Variants in JMJD1C observed in about 807,000 individuals in gnomAD.
The protein encoded by JMJD1C is jumonji domain-containing protein 1C.
A neutral mutation model predicts 245.3 loss-of-function variants in JMJD1C; 31 were observed. The observed-to-expected ratio is 0.13, with a 90% CI of 0.09 to 0.17. The LOEUF is 0.17. JMJD1C is among the 10% of genes least tolerant of loss of function. JMJD1C has a pLI of 1.00. For missense variants in JMJD1C, 2,691 were observed against 3,000.2 expected, an observed-to-expected ratio of 0.90 and a Z score of 2.41; for synonymous variants, 1,057 against 1,017.4, an observed-to-expected ratio of 1.04 and a Z score of -0.74.
intron 10 of JMJD1C, among the ~76,000 whole-genome samples, chr10:63,201,092 A>G (rs1375494716): frequency 6.6e-6 from 1 of 152,240 alleles, no homozygotes; most frequent in Non-Finnish European, 1.5e-5. Flanking sequence ...GCAAGAACGT[A>G]AAGATTAAAG....
At chr10:63,440,108 G>A (rs1951281923) in intron 1 of JMJD1C, among the ~76,000 whole-genome samples, 1 of 152,168 alleles carries the variant, frequency 6.6e-6, no homozygotes, top group South Asian at 2.1e-4. Flanking sequence ...GCCAAGGTGG[G>A]CGGATCACCT....
intron 1 of JMJD1C, among the ~76,000 whole-genome samples, chr10:63,440,638 G>A (rs757882873): frequency 2.6e-5 from 4 of 152,048 alleles, no homozygotes; most frequent in Non-Finnish European, 5.9e-5. Flanking sequence ...TAGAACCCCA[G>A]GAGACAACTG....
At chr10:63,204,269 C>G in intron 10 of JMJD1C, 3 of 985,366 alleles carry the variant, frequency 3.0e-6, no homozygotes, top group Non-Finnish European at 2.4e-6. Flanking sequence ...AACAGCCTCT[C>G]TAAAGCTACA....
chr10:63,368,507 C>T (rs574487320), intron 2 of JMJD1C, among the ~76,000 whole-genome samples: 1 of 152,200 alleles, frequency 6.6e-6, no homozygotes, highest in East Asian at 1.9e-4. Flanking sequence ...GTAACTATAC[C>T]TATCCATGAT....
intron 1 of JMJD1C, among the ~76,000 whole-genome samples, chr10:63,441,492 CAA>C (rs1554938434): frequency 1.3e-5 from 2 of 152,156 alleles, no homozygotes; most frequent in Non-Finnish European, 2.9e-5. Flanking sequence ...AAGATTAAGA[CAA>C]TACGTAGCAC....
At chr10:63,417,186 C>T (rs188746356) in intron 1 of JMJD1C, among the ~76,000 whole-genome samples, 1 of 152,164 alleles carries the variant, frequency 6.6e-6, no homozygotes. Context: ...AGGAAACTTG[C>T]CCAATTATTT....
chr10:63,316,951 C>T (rs1564777607), intron 2 of JMJD1C, among the ~76,000 whole-genome samples: 1 of 152,164 alleles, frequency 6.6e-6, no homozygotes, highest in Non-Finnish European at 1.5e-5. Context: ...CATCCACCCC[C>T]TGGGTTAGAG....
chr10:63,269,013 C>T (rs1437921366), intron 2 of JMJD1C: 1 of 985,372 alleles, frequency 1.0e-6, no homozygotes, highest in Non-Finnish European at 1.2e-6. Flanking sequence ...GTGGTGTTAA[C>T]GACTAAGAAA....
rs1846996194 is a variant in JMJD1C at position 63,209,003 on chromosome 10, G to A, written c.2867+60C>T. The A allele has an allele frequency of 7.9e-6, 11 of 1,400,152 alleles. No homozygotes were observed. In the South Asian group the frequency reaches 1.3e-4, roughly 17 times the overall value. 86.7% of individuals were successfully genotyped at this position (1,400,152 alleles called of 1,614,324 possible). A position where few individuals can be genotyped will look rare whatever the true frequency, so the allele number is the denominator to read the frequency against. On this transcript the variant is annotated intron_variant, in intron 9 of 25. Transcript: ENST00000399262. ...TTAACTTAAAATTAACTATTTAAAA[G>A]GCAAATTAAGAAAAATTATGAACAA...
intron 1 of JMJD1C, among the ~76,000 whole-genome samples, chr10:63,442,847 GTTT>G (rs145167863): frequency 5.3e-5 from 8 of 151,966 alleles, no homozygotes; most frequent in Non-Finnish European, 1.0e-4. Flanking sequence ...TAAGTATTGA[GTTT>G]TTTTTCCTCC....
At chr10:63,333,527 T>C (rs1403694095) in intron 2 of JMJD1C, among the ~76,000 whole-genome samples, 1 of 151,584 alleles carries the variant, frequency 6.6e-6, no homozygotes, top group Non-Finnish European at 1.5e-5. Flanking sequence ...AGTGAGACCC[T>C]ATCTCAAAAA....
At position 63,451,837 on chromosome 10, in the gene JMJD1C, AAAAAGG is replaced by A. The variant is rs1952090123; in HGVS notation, c.168+13652_168+13657del. On this transcript the variant is annotated intron_variant, in intron 1 of 25. Transcript: ENST00000399262. ...AAAAGGTGCCAAAACTATTCAATGG[AAAAAGG>A]ACAGTCTTTTCAATAAATGGAGCTG... is the stretch of plus-strand genomic sequence containing the variant. Among the ~76,000 whole-genome samples, 4 of 152,348 alleles carry A rather than the reference AAAAAGG, an allele frequency of 2.6e-5. No homozygotes were observed. The South Asian group carries it at 8.3e-4, about 32-fold the overall frequency.
chr10:63,174,231 TATATGA>T (rs746240417), intron 24 of JMJD1C, among the ~76,000 whole-genome samples: 1 of 152,200 alleles, frequency 6.6e-6, no homozygotes, highest in Non-Finnish European at 1.5e-5. Flanking sequence ...TAAAACCATG[TATATGA>T]ATGTTTATGA....
Position 63,213,926 on chromosome 10 carries a change from G to C in JMJD1C, c.2241C>G (p.Thr747=), listed in dbSNP as rs1382683533. 1 of 1,614,140 alleles carries C rather than the reference G, an allele frequency of 6.2e-7. No homozygotes were observed. Among genetic ancestry groups the C allele is most frequent in the South Asian group, 1.1e-5 (1 of 91,076 alleles). Residue 747 remains threonine, a synonymous_variant, in exon 8 of 26, where the codon ACC becomes ACG. Coordinates refer to ENST00000399262, the MANE Select transcript of JMJD1C (RefSeq NM_032776.3). ...PFPLHSSSHR[T]CLNPGTHHPA... ...GATGATGGGTACCTGGATTTAAACA[G>C]GTTCTATGAGATGAGGAGTGAAGAG...
chr10:63,500,584 A>G (rs1469656500), intron 1 of JMJD1C, among the ~76,000 whole-genome samples: 21 of 152,092 alleles, frequency 1.4e-4, no homozygotes, highest in Admixed American at 1.2e-3. Flanking sequence ...AAATACAAAA[A>G]TCAGCCAAGT....
chr10:63,347,583 CAAA>C (rs551998323), intron 2 of JMJD1C, among the ~76,000 whole-genome samples: 1 of 65,382 alleles, frequency 1.5e-5, no homozygotes, highest in Non-Finnish European at 3.1e-5. Flanking sequence ...GAGTCCATCT[CAAA>C]AAAAAAAAAA....
chr10:63,254,736 G>A (rs553335646), intron 3 of JMJD1C, among the ~76,000 whole-genome samples: 2 of 151,850 alleles, frequency 1.3e-5, no homozygotes, highest in African/African-American at 4.8e-5. Context: ...TACTGGTAGA[G>A]ATGGAGTTTT....
At chr10:63,220,285 G>A (rs1456376994) in intron 3 of JMJD1C, among the ~76,000 whole-genome samples, 1 of 152,066 alleles carries the variant, frequency 6.6e-6, no homozygotes, top group Admixed American at 6.6e-5. Flanking sequence ...ATTCACTATT[G>A]GAAGCAATAT....
chr10:63,491,912 A>T (rs550022971), intron 1 of JMJD1C, among the ~76,000 whole-genome samples: 1 of 152,390 alleles, frequency 6.6e-6, no homozygotes, highest in South Asian at 2.1e-4. Flanking sequence ...GCTATTTGTC[A>T]GCACAAAACA....
Sources: allele counts gnomAD v4.1 joint callset (sites outside exome capture counted in the v4.1 genomes callset), GRCh38; gene constraint gnomAD v4.1.1; transcripts MANE v1.5; gene names NCBI Gene and HGNC (gene_info 2026-07-23, HGNC 2026-07-21).